The following RIOK1 variants were observed in gnomAD, a reference collection of about 807,000 sequenced individuals.
RIOK1 encodes the protein serine/threonine-protein kinase RIO1.
RIOK1 carries 66 observed loss-of-function variants against 73.5 expected under a neutral mutation model. That is an observed-to-expected ratio of 0.90 (90% confidence interval 0.74 to 1.10). RIOK1 has a LOEUF of 1.10. RIOK1 is among the 50% of genes least tolerant of loss of function. RIOK1 has a pLI of 0.00. For synonymous variants in RIOK1, 224 were observed against 226.8 expected (o/e 0.99, Z 0.11); for missense variants, 658 against 699.8 (o/e 0.94, Z 0.67).
intron 12 of RIOK1, among the ~76,000 whole-genome samples, chr6:7,408,730 T>TC (rs567478991): frequency 1.5e-3 from 232 of 152,038 alleles, no homozygotes; most frequent in Middle Eastern, 0.014. Context: ...TTTTTCTTTT[T>TC]TTTTTTTTTA....
chr6:7,394,499 A>G (rs1210133953), intron 2 of RIOK1, among the ~76,000 whole-genome samples: 4 of 152,202 alleles, frequency 2.6e-5, no homozygotes, highest in African/African-American at 9.7e-5. Flanking sequence ...AAATAACCAC[A>G]TTGTGAGTGA....
intron 5 of RIOK1, among the ~76,000 whole-genome samples, chr6:7,399,168 T>C (rs926622723): frequency 6.6e-6 from 1 of 152,240 alleles, no homozygotes; most frequent in African/African-American, 2.4e-5. Flanking sequence ...GCTTGTTTTA[T>C]TCTTTCTATT....
intron 5 of RIOK1, among the ~76,000 whole-genome samples, chr6:7,398,966 C>T (rs1283715080): frequency 6.6e-6 from 1 of 152,110 alleles, no homozygotes. Context: ...GCAGAGCCAC[C>T]ATGCGATGCT....
At chr6:7,402,514 C>G in intron 6 of RIOK1, 89 bp from the exon 7 acceptor site, 3 of 862,582 alleles carry the variant, frequency 3.5e-6, no homozygotes, top group Non-Finnish European at 5.3e-6. Flanking sequence ...TATTTCAGTT[C>G]ACTTGACTTT....
At chr6:7,396,869 ATACTT>A in intron 4 of RIOK1, 97 bp downstream of exon 4, 1 of 701,482 alleles carries the variant, frequency 1.4e-6, no homozygotes, top group Non-Finnish European at 2.5e-6. Context: ...GTTCATTTGT[ATACTT>A]AAACCAATCA....
chr6:7,390,588 A>G (rs1761307823), intron 1 of RIOK1, among the ~76,000 whole-genome samples: 1 of 152,070 alleles, frequency 6.6e-6, no homozygotes, highest in Non-Finnish European at 1.5e-5. Context: ...GGTTAAGTCC[A>G]GATTTGAATG....
At chr6:7,401,326 G>T (rs1476028919) in intron 6 of RIOK1, among the ~76,000 whole-genome samples, 2 of 152,146 alleles carry the variant, frequency 1.3e-5, no homozygotes, top group Non-Finnish European at 2.9e-5. Context: ...TACTCATGGG[G>T]CCAGGGGTTT....
chr6:7,404,016 T>A lies in RIOK1; in HGVS notation c.843T>A (p.Gly281=). 1 of 1,607,886 alleles carries A rather than the reference T, an allele frequency of 6.2e-7. No homozygotes were observed. Among genetic ancestry groups the A allele is most frequent in the Non-Finnish European group, 8.5e-7 (1 of 1,174,856 alleles). Residue 281 remains glycine, a synonymous_variant, in exon 9 of 17, where the codon GGT becomes GGA. Coordinates refer to ENST00000379834, the MANE Select transcript of RIOK1 (RefSeq NM_031480.3). ...ATGTTCTTGTCATGAGTTTCATCGGTAAAGATGACATGTAAGTACATGGAA... is the reference window on the plus strand; with the variant it reads ...ATGTTCTTGTCATGAGTTTCATCGGAAAAGATGACATGTAAGTACATGGAA... ...RSHVLVMSFI[G]KDDMPAPLLK...
chr6:7,405,703 C>T (rs1384397854), intron 12 of RIOK1, among the ~76,000 whole-genome samples: 3 of 151,628 alleles, frequency 2.0e-5, no homozygotes, highest in African/African-American at 7.3e-5. Flanking sequence ...TGACAGCTTC[C>T]TGAGACCTTT....
At position 7,395,011 on chromosome 6, in the gene RIOK1, G is replaced by C. The variant is rs368392943; in HGVS notation, c.277-42G>C. The C allele has an allele frequency of 4.4e-6, 7 of 1,609,190 alleles. No individual in the cohort carries two copies. In the Admixed American group the frequency reaches 1.2e-4, roughly 27 times the overall value. On this transcript the variant is annotated intron_variant, in intron 2 of 16. Transcript: ENST00000379834. ...AAATGTGATGATGAATCTTAGGTTT[G>C]TTTTTACAGCTAGTGCCTTAGACTC...
rs1761881159 is a variant in RIOK1 at position 7,411,445 on chromosome 6, A to T, written c.1383A>T (p.Gln461His). The change falls in exon 14 of 17, where the codon CAA becomes CAT. Residue 461 changes from glutamine (Q) to histidine (H), a missense_variant. Coordinates refer to ENST00000379834, the MANE Select transcript of RIOK1 (RefSeq NM_031480.3). ...AGGACATGGCCATGAATGCCCAACAAGATAATGTAAGTAGCTTGGTTTGTA... is the reference window on the plus strand; with the variant it reads ...AGGACATGGCCATGAATGCCCAACATGATAATGTAAGTAGCTTGGTTTGTA... Reference protein sequence around the residue: ...KEEDMAMNAQQDNILYQTVTG... With the variant: ...KEEDMAMNAQHDNILYQTVTG... The T allele has an allele frequency of 6.2e-7, 1 of 1,614,038 alleles. No individual in the cohort carries two copies. The highest frequency in any genetic ancestry group is 8.5e-7 in the Non-Finnish European group (1 of 1,179,942).
intron 16 of RIOK1, 91 bp downstream of exon 16, chr6:7,414,481 G>A: frequency 8.4e-7 from 1 of 1,193,906 alleles, no homozygotes; most frequent in Non-Finnish European, 1.2e-6. Flanking sequence ...AGATTATGAT[G>A]GCTGAAAACA....
At chr6:7,392,022 A>G (rs1005042719) in intron 1 of RIOK1, among the ~76,000 whole-genome samples, 1 of 152,176 alleles carries the variant, frequency 6.6e-6, no homozygotes, top group African/African-American at 2.4e-5. Context: ...ATCTCATATT[A>G]TCAGCTGCTT....
At chr6:7,411,581 C>CT (rs1282521719) in intron 14 of RIOK1, 130 bp downstream of exon 14, 1 of 944,814 alleles carries the variant, frequency 1.1e-6, no homozygotes, top group East Asian at 2.6e-5. Context: ...ATGACTAACT[C>CT]TATCTGTGTT....
At chr6:7,394,932 C>A in intron 2 of RIOK1, 121 bp from the exon 3 acceptor site, 2 of 1,471,232 alleles carry the variant, frequency 1.4e-6, no homozygotes, top group Non-Finnish European at 1.9e-6. Flanking sequence ...TCTTACCTTT[C>A]CTTAAGATAC....
chr6:7,406,032 CTG>C (rs1761737633), intron 12 of RIOK1, among the ~76,000 whole-genome samples: 1 of 150,738 alleles, frequency 6.6e-6, no homozygotes, highest in South Asian at 2.1e-4. Context: ...GGATCCCACT[CTG>C]TCACGCAGGC....
At position 7,393,269 on chromosome 6, in the gene RIOK1, A is replaced by G; in HGVS notation, c.242A>G (p.Lys81Arg). 6.2e-7 allele frequency: 1 copy of G among 1,614,160 alleles called. No individual in the cohort carries two copies. Among genetic ancestry groups the G allele is most frequent in the Non-Finnish European group, 8.5e-7 (1 of 1,180,014 alleles). ...DWDEGVGKLA[K>R]GYVWNGGSNP... ...GATGAAGGAGTTGGAAAACTCGCCA[A>G]GGGTTATGTCTGGAATGGAGGAAGC... Residue 81 changes from lysine to arginine, a missense_variant, in exon 2 of 17, where the codon AAG (lysine) becomes AGG (arginine). Transcript: ENST00000379834.
Position 7,402,917 on chromosome 6 carries a change from G to A in RIOK1, c.767+20G>A. On this transcript the variant is annotated intron_variant, in intron 8 of 16. Coordinates refer to ENST00000379834, the MANE Select transcript of RIOK1 (RefSeq NM_031480.3). ...AATCAGGTGACTGTCTGGGATGTGT[G>A]TATGTCTGTCCTATGCCCTGTACAT... 6.2e-7 allele frequency: 1 copy of A among 1,608,636 alleles called. No individual in the cohort carries two copies. Among genetic ancestry groups the A allele is most frequent in the Non-Finnish European group, 8.5e-7 (1 of 1,175,670 alleles).
chr6:7,396,641 C>A, intron 3 of RIOK1, 62 bp from the exon 4 acceptor site: 1 of 945,818 alleles, frequency 1.1e-6, no homozygotes, highest in Non-Finnish European at 1.7e-6. Flanking sequence ...CCCTGTTCAG[C>A]AACTCTGTTA....
Sources: gnomAD v4.1 joint callset for allele counts (sites outside exome capture counted in the v4.1 genomes callset) on GRCh38, gnomAD v4.1.1 for gene constraint, MANE v1.5 for transcripts, NCBI Gene and HGNC (gene_info 2026-07-23, HGNC 2026-07-21) for gene names.